DCUN1D5: variants seen among roughly 807,000 people sequenced by gnomAD.
DCUN1D5 encodes DCN1-like protein 5.
Under a neutral mutation model 38.3 loss-of-function variants are expected in DCUN1D5, and 10 were observed. The observed-to-expected ratio is 0.26, with a 90% CI of 0.16 to 0.44. DCUN1D5 has a LOEUF of 0.44. DCUN1D5 is among the 20% of genes least tolerant of loss of function. The pLI, the probability that DCUN1D5 is intolerant of heterozygous loss-of-function variation, is 1.00. For missense variants in DCUN1D5, 148 were observed against 275.3 expected (o/e 0.54, Z 3.27); for synonymous variants, 93 against 90.9 (o/e 1.02, Z -0.13).
Position 103,083,319 on chromosome 11 carries a change from A to T in DCUN1D5, c.186T>A (p.Asp62Glu), listed in dbSNP as rs772999448. ...LAWFYEYAGPDEVVGPEGMEK... is the reference protein window; with the variant it reads ...LAWFYEYAGPEEVVGPEGMEK... The stretch of plus-strand genomic sequence containing the variant: ...CCATTCCTTCTGGCCCTACAACTTC[A>T]TCAGGACCTTCAAAGACAAAAATAA... Residue 62 changes from aspartate (D) to glutamate (E), a missense_variant, in exon 3 of 8, where the codon GAT (aspartate) becomes GAA (glutamate). By Grantham distance (45) the Asp-to-Glu change is conservative. Transcript: ENST00000260247. This position sits in a 1 kb window ranked among gnomAD's most constrained non-coding sequence, Gnocchi z 4.4. 1 of 1,584,856 alleles carries T rather than the reference A, an allele frequency of 6.3e-7. No individual in the cohort carries two copies. Among genetic ancestry groups the T allele is most frequent in the Admixed American group, 1.7e-5 (1 of 59,828 alleles).
intron 2 of DCUN1D5, among the ~76,000 whole-genome samples, chr11:103,085,394 G>A (rs952886422): frequency 1.6e-4 from 24 of 152,182 alleles, no homozygotes; most frequent in Admixed American, 3.3e-4. Context: ...CCGAGATTGC[G>A]CCACTGCACT....
At chr11:103,067,765 T>TTA (rs1862169208) in intron 4 of DCUN1D5, among the ~76,000 whole-genome samples, 2 of 152,218 alleles carry the variant, frequency 1.3e-5, no homozygotes, top group African/African-American at 4.8e-5. Flanking sequence ...GTTATCTGTT[T>TTA]TATACATTGC....
rs769680354 is a variant in DCUN1D5, at chr11:103,089,288, T to C, written c.117A>G (p.Leu39=). The change falls in exon 2 of 8, where the codon CTA becomes CTG. Residue 39 remains leucine, a synonymous_variant. Coordinates refer to ENST00000260247, the MANE Select transcript of DCUN1D5 (RefSeq NM_032299.4). The part of the protein sequence containing the change: ...SYCRSQPPAR[L]ISGEEHFSSK... ...TTGAAAAATGTTCCTCTCCACTTAT[T>C]AGTCTAGCAGGGGGTTGGGATCTGC... The C allele has an allele frequency of 6.2e-7, 1 of 1,611,962 alleles. No homozygotes were observed. The highest frequency in any genetic ancestry group is 8.5e-7 in the Non-Finnish European group (1 of 1,178,516).
In DCUN1D5 at chr11:103,071,085, C is replaced by T. The variant is rs1250678177; in HGVS notation, c.342-4518G>A. Among the ~76,000 whole-genome samples, 1 of 151,980 alleles carries T rather than the reference C, an allele frequency of 6.6e-6. No homozygotes were observed. The highest frequency in any genetic ancestry group is 1.5e-5 in the Non-Finnish European group (1 of 67,914). On this transcript the variant is annotated intron_variant, in intron 4 of 7. Coordinates refer to ENST00000260247, the MANE Select transcript of DCUN1D5 (RefSeq NM_032299.4). The surrounding 1 kb of genome is among the most constrained non-coding windows in gnomAD (Gnocchi z 4.1). ...AGTACTGAGAAGGAAATTTATAGTG[C>T]TAAATACACACATTAGAAAAAAGAA...
chr11:103,053,617 T>C lies in DCUN1D5; in HGVS notation c.*8742A>G, dbSNP rs1168254924. On this transcript the variant is annotated 3_prime_UTR_variant, in exon 8 of 8. Transcript: ENST00000260247. The surrounding 1 kb of genome is among the most constrained non-coding windows in gnomAD (Gnocchi z 4.8). ...ATGTACCCCCCAAATAAATACATTA[T>C]GTATCAATGAATTTTAATTATATGA... 1 of 151,786 alleles carries C rather than the reference T, an allele frequency of 6.6e-6. No individual in the cohort carries two copies. The highest frequency in any genetic ancestry group is 1.5e-5 in the Non-Finnish European group (1 of 67,884). The allele number at this position is 151,786 out of a possible 1,614,324, so 9.4% of individuals were successfully genotyped here.
In DCUN1D5 at chr11:103,083,927, G is replaced by A. The variant is rs747590382; in HGVS notation, c.179-601C>T. 4.6e-5 allele frequency among the ~76,000 whole-genome samples: 7 copies of A among 152,050 alleles called. No homozygotes were observed. Among genetic ancestry groups the A allele is most frequent in the South Asian group, 2.1e-4 (1 of 4,828 alleles). On this transcript the variant is annotated intron_variant, in intron 2 of 7. Transcript: ENST00000260247. The surrounding 1 kb of genome is among the most constrained non-coding windows in gnomAD (Gnocchi z 4.4). ...TCCTTATCATCTTGGTTCTAAAACAGACAGCAAGCATTGATGTCACCTTAA... is the reference window on the plus strand; with the variant it reads ...TCCTTATCATCTTGGTTCTAAAACAAACAGCAAGCATTGATGTCACCTTAA...
rs1420631788 is a variant in DCUN1D5 at position 103,058,963 on chromosome 11, T to C, written c.*3396A>G. ...TTTAACAAAGAAAGGCATTTAGTTT[T>C]CCTTTTTTTTTTTTATTAAAATGCC... is the stretch of plus-strand genomic sequence containing the variant. On this transcript the variant is annotated 3_prime_UTR_variant, in exon 8 of 8. Transcript: ENST00000260247. Among the ~76,000 whole-genome samples, 2 of 148,358 alleles carry C rather than the reference T, an allele frequency of 1.3e-5. No homozygotes were observed. The highest frequency in any genetic ancestry group is 4.9e-5 in the African/African-American group (2 of 40,672).
At position 103,058,003 on chromosome 11, in the gene DCUN1D5, C is replaced by T. The variant is rs1591198320; in HGVS notation, c.*4356G>A. Reference sequence around the variant, plus strand: ...GAAAGCTAAGACATTTTTAATAAAACGTTTGCTATTAACTCCCATTTATGG... The same window carrying T: ...GAAAGCTAAGACATTTTTAATAAAATGTTTGCTATTAACTCCCATTTATGG... On this transcript the variant is annotated 3_prime_UTR_variant, in exon 8 of 8. Coordinates refer to ENST00000260247, the MANE Select transcript of DCUN1D5 (RefSeq NM_032299.4). Among the ~76,000 whole-genome samples, 3 of 152,058 alleles carry T rather than the reference C, an allele frequency of 2.0e-5. No homozygotes were observed. The highest frequency in any genetic ancestry group is 4.4e-5 in the Non-Finnish European group (3 of 67,996).
At position 103,055,008 on chromosome 11, in the gene DCUN1D5, T is replaced by C. The variant is rs951036444; in HGVS notation, c.*7351A>G. On this transcript the variant is annotated 3_prime_UTR_variant, in exon 8 of 8. Coordinates refer to ENST00000260247, the MANE Select transcript of DCUN1D5 (RefSeq NM_032299.4). ...CGGAAGTGTTTTAGATTTCTTTTTTTTGATCTTTGAATATTTGCATATTCA... is the reference window on the plus strand; with the variant it reads ...CGGAAGTGTTTTAGATTTCTTTTTTCTGATCTTTGAATATTTGCATATTCA... The C allele has an allele frequency of 2.0e-5, 3 of 152,158 alleles. No individual in the cohort carries two copies. The highest frequency in any genetic ancestry group is 4.4e-5 in the Non-Finnish European group (3 of 68,004). 9.4% of individuals were successfully genotyped at this position (152,158 alleles called of 1,614,324 possible).
intron 1 of DCUN1D5, 128 bp from the exon 2 acceptor site, chr11:103,089,446 G>GA: frequency 4.0e-6 from 3 of 748,398 alleles, no homozygotes; most frequent in South Asian, 2.6e-5. Context: ...GGCATTGTTG[G>GA]AAAAAAACTG....
chr11:103,060,947 C>T lies in DCUN1D5; in HGVS notation c.*1412G>A, dbSNP rs1303900777. 6.6e-6 allele frequency among the ~76,000 whole-genome samples: 1 copy of T among 152,086 alleles called. No homozygotes were observed. Among genetic ancestry groups the T allele is most frequent in the Non-Finnish European group, 1.5e-5 (1 of 67,990 alleles). Reference sequence around the variant, plus strand: ...ACTTAAGAGGAGCATTCTGTATTATCCTTTTCTATAAGACATTTAGGAAAA... The same window carrying T: ...ACTTAAGAGGAGCATTCTGTATTATTCTTTTCTATAAGACATTTAGGAAAA... On this transcript the variant is annotated 3_prime_UTR_variant, in exon 8 of 8. Coordinates refer to ENST00000260247, the MANE Select transcript of DCUN1D5 (RefSeq NM_032299.4).
rs574809807 is a variant in DCUN1D5 at position 103,084,089 on chromosome 11, C to T, written c.179-763G>A. On this transcript the variant is annotated intron_variant, in intron 2 of 7. Transcript: ENST00000260247. ...ATCAATACATCAATTATCATTTTTT[C>T]AAAATGTTATCAGATTCCCAAAATA... Among the ~76,000 whole-genome samples, 80 of 152,176 alleles carry T rather than the reference C, an allele frequency of 5.3e-4. No individual in the cohort carries two copies. The Middle Eastern group carries it at 0.01, about 19-fold the overall frequency.
intron 2 of DCUN1D5, among the ~76,000 whole-genome samples, chr11:103,088,571 G>C (rs1165221111): frequency 1.3e-5 from 2 of 152,142 alleles, no homozygotes; most frequent in Non-Finnish European, 2.9e-5. Context: ...GGTTAAGTTA[G>C]CTCCTCTAGA....
At chr11:103,075,526 C>T (rs145058095) in intron 4 of DCUN1D5, among the ~76,000 whole-genome samples, 5 of 152,182 alleles carry the variant, frequency 3.3e-5, no homozygotes, top group African/African-American at 7.2e-5. Context: ...GGACTATAGG[C>T]GCATGCCACC....
chr11:103,089,655 A>G (rs967941358), intron 1 of DCUN1D5, among the ~76,000 whole-genome samples: 2 of 152,196 alleles, frequency 1.3e-5, no homozygotes, highest in East Asian at 1.9e-4. Context: ...ATTGATTTGC[A>G]TAGAAATTCT....
rs1367812627 is a variant in DCUN1D5, at chr11:103,055,387, G to A, written c.*6972C>T. On this transcript the variant is annotated 3_prime_UTR_variant, in exon 8 of 8. Transcript: ENST00000260247. ...GTGCTAAAACTGTCAAATTGAATTG[G>A]AATAGCAATTTCCAACAATGAGAAA... is the stretch of plus-strand genomic sequence containing the variant. 1 of 152,038 alleles carries A rather than the reference G, an allele frequency of 6.6e-6. No individual in the cohort carries two copies. The highest frequency in any genetic ancestry group is 2.4e-5 in the African/African-American group (1 of 41,388). The allele number at this position is 152,038 out of a possible 1,614,324, so 9.4% of individuals were successfully genotyped here. A position where few individuals can be genotyped will look rare whatever the true frequency, so the allele number is the denominator to read the frequency against.
In DCUN1D5 at chr11:103,089,292, C is replaced by T; in HGVS notation, c.113G>A (p.Arg38Lys). The part of the protein sequence containing the change: ...SSYCRSQPPA[R>K]LISGEEHFSS... The stretch of plus-strand genomic sequence containing the variant: ...AAAATGTTCCTCTCCACTTATTAGT[C>T]TAGCAGGGGGTTGGGATCTGCAATA... The change falls in exon 2 of 8, where the codon AGA becomes AAA. Residue 38 changes from arginine to lysine, a missense_variant. Physicochemically the swap from Arg to Lys is conservative, Grantham distance 26 (BLOSUM62 2). Transcript: ENST00000260247. The T allele has an allele frequency of 6.2e-7, 1 of 1,610,716 alleles. No individual in the cohort carries two copies. The highest frequency in any genetic ancestry group is 8.5e-7 in the Non-Finnish European group (1 of 1,177,660).
In DCUN1D5 at chr11:103,066,136, T is replaced by G. The variant is rs1217709926; in HGVS notation, c.555+133A>C. ...TTCTATCTAAAAATAGCAACTGATA[T>G]GTACATATTTTAGAATTTTTTCTCT... On this transcript the variant is annotated intron_variant, in intron 6 of 7. Coordinates refer to ENST00000260247, the MANE Select transcript of DCUN1D5 (RefSeq NM_032299.4). The surrounding 1 kb of genome is among the most constrained non-coding windows in gnomAD (Gnocchi z 4.7). 1 of 508,472 alleles carries G rather than the reference T, an allele frequency of 2.0e-6. No individual in the cohort carries two copies. Among genetic ancestry groups the G allele is most frequent in the East Asian group, 3.2e-5 (1 of 31,240 alleles). 31.5% of individuals were successfully genotyped at this position (508,472 alleles called of 1,614,324 possible). A position where few individuals can be genotyped will look rare whatever the true frequency, so the allele number is the denominator to read the frequency against.
chr11:103,089,194 A>G (rs1306253712), intron 2 of DCUN1D5, 33 bp downstream of exon 2: 2 of 1,595,906 alleles, frequency 1.3e-6, no homozygotes, highest in Non-Finnish European at 8.6e-7. Flanking sequence ...TTTAAAGCAT[A>G]TGACTAGTAT....
Sources: gnomAD v4.1 joint callset for allele counts (sites outside exome capture counted in the v4.1 genomes callset) on GRCh38, gnomAD v4.1.1 for gene constraint, Gnocchi (gnomAD v3.1) non-coding constraint, MANE v1.5 for transcripts, NCBI Gene and HGNC (gene_info 2026-07-23, HGNC 2026-07-21) for gene names.